The following CLIC5 variants were observed in gnomAD, a reference collection of about 807,000 sequenced individuals.
CLIC5 encodes the protein chloride intracellular channel protein 5.
In CLIC5, 20 loss-of-function variants were observed where a neutral mutation model predicts 24.7. That is an observed-to-expected ratio of 0.81 (90% CI 0.57 to 1.18). The LOEUF (loss-of-function observed/expected upper bound fraction) is 1.18, where lower values mean the gene tolerates loss of function less well. Among genes scored for constraint, CLIC5 ranks in the 50% most tolerant of loss-of-function variants. The pLI is 0.00. For synonymous variants in CLIC5, 159 were observed against 135.6 expected (o/e 1.17, Z -1.20); for missense variants, 341 against 326.1 (o/e 1.05, Z -0.35).
At chr6:46,082,803 TC>T (rs1440966863), upstream of CLIC5, among the ~76,000 whole-genome samples, 7 of 148,398 alleles carry the variant, frequency 4.7e-5, no homozygotes, top group South Asian at 2.3e-4. Context: ...TACCCTACTT[TC>T]CCCCCCTTTT....
At chr6:45,884,786 CCATGTGG>C (rs1762290498) in intron 6 of CLIC5, among the ~76,000 whole-genome samples, 1 of 151,966 alleles carries the variant, frequency 6.6e-6, no homozygotes, top group Admixed American at 6.6e-5. Flanking sequence ...ATGTGGCCTC[CCATGTGG>C]GGAACTGGAT....
chr6:46,018,141 C>T (rs537634908), upstream of CLIC5, among the ~76,000 whole-genome samples: 7 of 152,340 alleles, frequency 4.6e-5, no homozygotes, highest in Admixed American at 4.6e-4. Flanking sequence ...CAGAACATCC[C>T]TGCACTGAAG....
intron 1 of CLIC5, among the ~76,000 whole-genome samples, chr6:45,968,840 C>T (rs945305234): frequency 1.8e-4 from 28 of 152,090 alleles, no homozygotes; most frequent in South Asian, 8.3e-4. Flanking sequence ...AACTGAATTC[C>T]CTGGGTAGCC....
rs116639172 is a variant in CLIC5, at chr6:45,891,076, C to T, written c.624-9888G>A. ...ATAGCTGAAAAAAGAGGATTTTAAG[C>T]ATTTTCACCACAAATCAATGATTAA... is the stretch of plus-strand genomic sequence containing the variant. On this transcript the variant is annotated intron_variant, in intron 6 of 6. Transcript: ENST00000644324. 8.7e-3 allele frequency among the ~76,000 whole-genome samples: 1,319 copies of T among 152,264 alleles called. 21 individuals are homozygous for T. Among genetic ancestry groups the T allele is most frequent in the African/African-American group, 0.03 (1,265 of 41,538 alleles).
intron 2 of CLIC5, among the ~76,000 whole-genome samples, chr6:45,954,272 C>CAAAAAAAAAAAAAAA (rs11311720): frequency 3.9e-5 from 3 of 76,550 alleles, no homozygotes; most frequent in African/African-American, 1.3e-4. Flanking sequence ...GACTCTGTCT[C>CAAAAAAAAAAAAAAA]AAAAAAAAAA....
chr6:45,995,272 A>C (rs1377856504), intron 1 of CLIC5, among the ~76,000 whole-genome samples: 1 of 152,260 alleles, frequency 6.6e-6, no homozygotes. Flanking sequence ...ATTAAATAAT[A>C]AATTCACATA....
chr6:45,967,326 T>C (rs1181282865), intron 1 of CLIC5, among the ~76,000 whole-genome samples: 1 of 152,174 alleles, frequency 6.6e-6, no homozygotes, highest in Admixed American at 6.5e-5. Flanking sequence ...CTTGAGAAGC[T>C]ATCACACAAC....
intron 1 of CLIC5, among the ~76,000 whole-genome samples, chr6:46,003,348 C>T (rs1766427761): frequency 6.6e-6 from 1 of 152,160 alleles, no homozygotes; most frequent in South Asian, 2.1e-4. Context: ...CCTCTTCCAT[C>T]CCCGCTATCT....
At chr6:45,997,567 C>T (rs908620436) in intron 1 of CLIC5, among the ~76,000 whole-genome samples, 20 of 151,206 alleles carry the variant, frequency 1.3e-4, no homozygotes, top group African/African-American at 4.9e-4. Context: ...GATGCTGGGC[C>T]TAAGAAGCGT....
At chr6:45,884,294 C>A (rs1178112116) in intron 6 of CLIC5, among the ~76,000 whole-genome samples, 2 of 152,104 alleles carry the variant, frequency 1.3e-5, no homozygotes, top group African/African-American at 4.8e-5. Context: ...AGAAACCAGC[C>A]TTGTTTACAG....
chr6:45,998,335 A>G (rs888769572), intron 1 of CLIC5, among the ~76,000 whole-genome samples: 2 of 152,224 alleles, frequency 1.3e-5, no homozygotes, highest in Admixed American at 1.3e-4. Flanking sequence ...ATGTGTCAGC[A>G]GCACATGGCT....
downstream of CLIC5, among the ~76,000 whole-genome samples, chr6:45,894,093 A>G (rs1762374295): frequency 6.6e-6 from 1 of 152,232 alleles, no homozygotes; most frequent in Non-Finnish European, 1.5e-5. Flanking sequence ...AAGAAAGTGG[A>G]ATTGTATCCT....
At chr6:46,045,627 C>T (rs970719991) in intron 1 of CLIC5, among the ~76,000 whole-genome samples, 2 of 152,106 alleles carry the variant, frequency 1.3e-5, no homozygotes, top group African/African-American at 2.4e-5. Context: ...TTTGATCAAA[C>T]AAGACACGTG....
In CLIC5 at chr6:46,025,936, T is replaced by C. The variant is rs1415653624; in HGVS notation, c.540+53767A>G. Reference sequence around the variant, plus strand: ...CTTGCTTTCCCTCTGCTTTCTGCCATGATTGTGAGTTTCCTGAGGCCTCCC... The same window carrying C: ...CTTGCTTTCCCTCTGCTTTCTGCCACGATTGTGAGTTTCCTGAGGCCTCCC... On this transcript the variant is annotated intron_variant, in intron 1 of 5. Transcript: ENST00000185206. Among the ~76,000 whole-genome samples the C allele has an allele frequency of 2.6e-5, 4 of 152,170 alleles. No homozygotes were observed. The East Asian group carries it at 7.7e-4, about 29-fold the overall frequency.
the CLIC5 span, chr6:46,123,164 A>T: frequency 6.6e-6 from 1 of 152,232 alleles, no homozygotes; most frequent in Admixed American, 6.5e-5. Flanking sequence ...CCTGATGAAT[A>T]TCAATGCAAA....
the CLIC5 span, among the ~76,000 whole-genome samples, chr6:46,117,611 A>C: frequency 6.6e-6 from 1 of 152,250 alleles, no homozygotes; most frequent in Non-Finnish European, 1.5e-5. Flanking sequence ...AATGTTTATT[A>C]AATTCTACAT....
At chr6:45,921,084 C>T (rs1581737943) in intron 4 of CLIC5, among the ~76,000 whole-genome samples, 1 of 152,216 alleles carries the variant, frequency 6.6e-6, no homozygotes, top group East Asian at 1.9e-4. Context: ...TATGAATGAC[C>T]ACACAAAGGC....
chr6:45,882,161 T>A (rs1762269176), intron 6 of CLIC5, among the ~76,000 whole-genome samples: 1 of 152,104 alleles, frequency 6.6e-6, no homozygotes, highest in South Asian at 2.1e-4. Flanking sequence ...TACCAGAGAC[T>A]CCCAATTACC....
the CLIC5 span, among the ~76,000 whole-genome samples, chr6:46,127,457 T>C: frequency 1.3e-5 from 2 of 152,162 alleles, no homozygotes; most frequent in Non-Finnish European, 2.9e-5. Flanking sequence ...TCTCTATATT[T>C]CCAAAATTTA....
Sources: gnomAD v4.1 joint callset for allele counts (sites outside exome capture counted in the v4.1 genomes callset) on GRCh38, gnomAD v4.1.1 for gene constraint, MANE v1.5 for transcripts, NCBI Gene and HGNC (gene_info 2026-07-23, HGNC 2026-07-21) for gene names.